The following GRIN3A variants were observed in gnomAD, a reference collection of about 807,000 sequenced individuals.
GRIN3A encodes the protein glutamate receptor ionotropic, NMDA 3A.
Under a neutral mutation model 92.4 loss-of-function variants are expected in GRIN3A, and 47 were observed. The ratio of observed to expected loss-of-function variants is 0.51; its 90% CI spans 0.40 to 0.65. The LOEUF (loss-of-function observed/expected upper bound fraction) is 0.65, where lower values mean the gene tolerates loss of function less well. Among genes scored for constraint, GRIN3A ranks in the 30% least tolerant of loss-of-function variants. The pLI, the probability that GRIN3A is intolerant of heterozygous loss-of-function variation, is 0.00. For missense variants in GRIN3A, 1,324 were observed against 1,393.1 expected (o/e 0.95, Z 0.79); for synonymous variants, 527 against 540.6 (o/e 0.97, Z 0.35).
chr9:101,573,411 C>A lies in GRIN3A; in HGVS notation c.3111G>T (p.Gln1037His). 1 of 1,614,086 alleles carries A rather than the reference C, an allele frequency of 6.2e-7. No homozygotes were observed. Among genetic ancestry groups the A allele is most frequent in the South Asian group, 1.1e-5 (1 of 91,078 alleles). Residue 1037 changes from glutamine (Q) to histidine (H), a missense_variant, in exon 9 of 9, where the codon CAG becomes CAT. Transcript: ENST00000361820. ...TGTCCTGGTGGATCCGGATGCCCAG[C>A]TGGTTTTGTCCTTCCTCATCACTAA... ...YIFSDEEGQN[Q>H]LGIRIHQDIP...
intron 6 of GRIN3A, chr9:101,601,019 A>G (rs1828203850): frequency 6.6e-6 from 1 of 152,232 alleles, no homozygotes; most frequent in African/African-American, 2.4e-5. Context: ...TCAGAGAGGT[A>G]AGGGAAAAGA....
chr9:101,698,752 T>C (rs919122428), intron 1 of GRIN3A, among the ~76,000 whole-genome samples: 3 of 152,078 alleles, frequency 2.0e-5, no homozygotes, highest in African/African-American at 7.2e-5. Flanking sequence ...CACTATAACC[T>C]CCGGCTCCTG....
chr9:101,639,079 A>G lies in GRIN3A; in HGVS notation c.2353-10678T>C, dbSNP rs192588735. Among the ~76,000 whole-genome samples, 701 of 152,342 alleles carry G rather than the reference A, an allele frequency of 4.6e-3. 8 individuals are homozygous for G. The highest frequency in any genetic ancestry group is 0.014 in the African/African-American group (583 of 41,580). On this transcript the variant is annotated intron_variant, in intron 3 of 8. Transcript: ENST00000361820. Reference sequence around the variant, plus strand: ...TGCAGTTCATGCATGAGTGAAATGAAGCTTAGAGACATGAGATAACTTTCT... The same window carrying G: ...TGCAGTTCATGCATGAGTGAAATGAGGCTTAGAGACATGAGATAACTTTCT...
At chr9:101,633,713 A>T (rs1252278185) in intron 3 of GRIN3A, among the ~76,000 whole-genome samples, 1 of 152,204 alleles carries the variant, frequency 6.6e-6, no homozygotes, top group Non-Finnish European at 1.5e-5. Flanking sequence ...AATGTAATAT[A>T]CTTGGATTAT....
intron 8 of GRIN3A, among the ~76,000 whole-genome samples, chr9:101,575,408 G>A (rs1827813242): frequency 1.3e-5 from 2 of 152,084 alleles, no homozygotes; most frequent in African/African-American, 2.4e-5. Flanking sequence ...GTGCTGTTAT[G>A]TAGTTTGTAA....
intron 1 of GRIN3A, among the ~76,000 whole-genome samples, chr9:101,690,283 G>A (rs1202950922): frequency 2.6e-5 from 4 of 151,990 alleles, no homozygotes; most frequent in African/African-American, 9.7e-5. Flanking sequence ...AGCTAAATAG[G>A]TAATTTAAAA....
chr9:101,573,536 A>T, intron 8 of GRIN3A, 23 bp from the exon 9 acceptor site: 1 of 1,578,450 alleles, frequency 6.3e-7, no homozygotes, highest in Non-Finnish European at 8.7e-7. Flanking sequence ...GAAATTTTAG[A>T]TTTACTTTCC....
chr9:101,574,739 A>G lies in GRIN3A; in HGVS notation c.3009-1226T>C, dbSNP rs73505278. On this transcript the variant is annotated intron_variant, in intron 8 of 8. Transcript: ENST00000361820. Reference sequence around the variant, plus strand: ...TCTCACAACTTGTTTTGGGCAACAGAAAGTGGCAGACATATCAGAGTGGCA... The same window carrying G: ...TCTCACAACTTGTTTTGGGCAACAGGAAGTGGCAGACATATCAGAGTGGCA... Among the ~76,000 whole-genome samples, 1,166 of 152,304 alleles carry G rather than the reference A, an allele frequency of 7.7e-3. 20 individuals carry two copies. The highest frequency in any genetic ancestry group is 0.027 in the African/African-American group (1,124 of 41,564).
intron 3 of GRIN3A, among the ~76,000 whole-genome samples, chr9:101,655,456 C>A (rs2118924297): frequency 6.6e-6 from 1 of 152,004 alleles, no homozygotes; most frequent in African/African-American, 2.4e-5. Context: ...TTATGAATTT[C>A]TTTTTCTGAT....
At chr9:101,590,776 CAGAA>C (rs1443494878) in intron 6 of GRIN3A, among the ~76,000 whole-genome samples, 5 of 152,230 alleles carry the variant, frequency 3.3e-5, no homozygotes, top group Admixed American at 2.0e-4. Flanking sequence ...TATCTCTTAA[CAGAA>C]AGAAAGAGTC....
chr9:101,611,252 C>G (rs1828364122), intron 6 of GRIN3A, among the ~76,000 whole-genome samples: 1 of 152,174 alleles, frequency 6.6e-6, no homozygotes, highest in East Asian at 1.9e-4. Context: ...CTCCTAGCTT[C>G]TGAGGATTGC....
intron 6 of GRIN3A, among the ~76,000 whole-genome samples, chr9:101,606,906 A>ATTT (rs536780165): frequency 0.12 from 9,996 of 85,792 alleles, 692 homozygotes; most frequent in Non-Finnish European, 0.17. Flanking sequence ...AAAAAATTAC[A>ATTT]TTTTTTTTTT....
chr9:101,616,574 C>A (rs74508789), intron 5 of GRIN3A, among the ~76,000 whole-genome samples: 1 of 151,608 alleles, frequency 6.6e-6, no homozygotes, highest in South Asian at 2.1e-4. Context: ...GTTTTTTATG[C>A]GTTATTTCAT....
intron 5 of GRIN3A, among the ~76,000 whole-genome samples, chr9:101,618,958 C>G (rs1428514949): frequency 6.6e-6 from 1 of 152,168 alleles, no homozygotes; most frequent in African/African-American, 2.4e-5. Flanking sequence ...AATCCTTCAA[C>G]TCTAAAGATG....
rs147880154 is a variant in GRIN3A at position 101,672,411 on chromosome 9, A to G, written c.1305-1304T>C. On this transcript the variant is annotated intron_variant, in intron 2 of 8. Coordinates refer to ENST00000361820, the MANE Select transcript of GRIN3A (RefSeq NM_133445.3). ...TTTTAATACAATTTTAAAAGTGGGA[A>G]ACACAAAGTATTGCATTATGATAAA... 1.6e-3 allele frequency among the ~76,000 whole-genome samples: 240 copies of G among 152,290 alleles called. 1 individual carries two copies. Among genetic ancestry groups the G allele is most frequent in the African/African-American group, 5.7e-3 (235 of 41,576 alleles).
chr9:101,663,112 G>T (rs1327338098), intron 3 of GRIN3A, among the ~76,000 whole-genome samples: 1 of 151,764 alleles, frequency 6.6e-6, no homozygotes, highest in Non-Finnish European at 1.5e-5. Flanking sequence ...TAGCCTCGGG[G>T]ATTCTGCACC....
At position 101,571,333 on chromosome 9, in the gene GRIN3A, G is replaced by A. The variant is rs1254840945; in HGVS notation, c.*1841C>T. ...TAGGTGTTATCTAACTACAGCTTAA[G>A]TTGTTATTCCCTGGGTGACTGGGTA... On this transcript the variant is annotated 3_prime_UTR_variant, in exon 9 of 9. Coordinates refer to ENST00000361820, the MANE Select transcript of GRIN3A (RefSeq NM_133445.3). 6.6e-6 allele frequency: 1 copy of A among 152,174 alleles called. No homozygotes were observed. The highest frequency in any genetic ancestry group is 2.4e-5 in the African/African-American group (1 of 41,452). 9.4% of individuals were successfully genotyped at this position (152,174 alleles called of 1,614,324 possible). A position where few individuals can be genotyped will look rare whatever the true frequency, so the allele number is the denominator to read the frequency against.
chr9:101,651,711 G>C (rs1410880742), intron 3 of GRIN3A, among the ~76,000 whole-genome samples: 1 of 150,954 alleles, frequency 6.6e-6, no homozygotes, highest in Non-Finnish European at 1.5e-5. Flanking sequence ...TTGCTTGGAG[G>C]GTTATTATAA....
chr9:101,623,387 G>T lies in GRIN3A; in HGVS notation c.2545C>A (p.Leu849Met). The T allele has an allele frequency of 1.9e-6, 3 of 1,613,852 alleles. No individual in the cohort carries two copies. Among genetic ancestry groups the T allele is most frequent in the Non-Finnish European group, 2.5e-6 (3 of 1,179,750 alleles). Reference sequence around the variant, plus strand: ...GCATCTATTGACACTTCATAATCCAGAAGGGCTTTGTCCATGATGAAGGCG... The same window carrying T: ...GCATCTATTGACACTTCATAATCCATAAGGGCTTTGTCCATGATGAAGGCG... ...LDAFIMDKAL[L>M]DYEVSIDADC... The change falls in exon 5 of 9, where the codon CTG becomes ATG. Residue 849 changes from leucine (L) to methionine (M), a missense_variant. Transcript: ENST00000361820.
Sources: gnomAD v4.1 joint callset for allele counts (sites outside exome capture counted in the v4.1 genomes callset) on GRCh38, gnomAD v4.1.1 for gene constraint, MANE v1.5 for transcripts, NCBI Gene and HGNC (gene_info 2026-07-23, HGNC 2026-07-21) for gene names.